TMEM101: variants seen among roughly 807,000 people sequenced by gnomAD.
TMEM101 encodes transmembrane protein 101.
In TMEM101, 14 loss-of-function variants were observed where a neutral mutation model predicts 26.0. The ratio of observed to expected loss-of-function variants is 0.54; its 90% confidence interval spans 0.36 to 0.84. The LOEUF (loss-of-function observed/expected upper bound fraction) is 0.84, where lower values mean the gene tolerates loss of function less well. Ranked by LOEUF, TMEM101 falls within the 40% of genes least tolerant of loss-of-function variation. The pLI is 0.01. For missense variants in TMEM101, 292 were observed against 345.1 expected (o/e 0.85, Z 1.22); for synonymous variants, 152 against 145.1 (o/e 1.05, Z -0.34).
At chr17:44,019,292 CGA>C (rs2049263160), upstream of TMEM101, 2 of 416,698 alleles carry the variant, frequency 4.8e-6, no homozygotes, top group Admixed American at 2.7e-5. Context: ...AGCCTGGGCT[CGA>C]GAGTCGGACA....
rs148704983 is a variant in TMEM101 at position 44,014,028 on chromosome 17, G to A, written c.318+329C>T. Among the ~76,000 whole-genome samples, 72 of 152,302 alleles carry A rather than the reference G, an allele frequency of 4.7e-4. 1 individual carries two copies. Among genetic ancestry groups the A allele is most frequent in the African/African-American group, 1.7e-3 (71 of 41,558 alleles). ...CTCTCCAAGGTCCTTTGTACCCCAT[G>A]AGTCTGAGATTACTAAACTAACAGT... On this transcript the variant is annotated intron_variant, in intron 2 of 3. Transcript: ENST00000206380.
chr17:44,016,936 C>T (rs1217460233), upstream of TMEM101, among the ~76,000 whole-genome samples: 4 of 151,788 alleles, frequency 2.6e-5, no homozygotes, highest in African/African-American at 9.7e-5. Context: ...AGTTCAAGAC[C>T]AGCCTGGCCA....
Position 44,014,502 on chromosome 17 carries a change from T to C in TMEM101, c.173A>G (p.Asp58Gly). Residue 58 changes from aspartate to glycine, a missense_variant, in exon 2 of 4, where the codon GAC becomes GGC. Coordinates refer to ENST00000206380, the MANE Select transcript of TMEM101 (RefSeq NM_032376.4). ...PDIPVPYLYF[D>G]MGAAVLCASF... ...AGCGCACAGCACGGCTGCCCCCATG[T>C]CGAAATACAGGTAAGGCACTGGGAT... is the stretch of plus-strand genomic sequence containing the variant. 2 of 1,571,394 alleles carry C rather than the reference T, an allele frequency of 1.3e-6. No homozygotes were observed. Among genetic ancestry groups the C allele is most frequent in the Non-Finnish European group, 1.7e-6 (2 of 1,158,316 alleles).
intron 1 of TMEM101, among the ~76,000 whole-genome samples, chr17:44,021,982 C>A (rs544952970): frequency 6.6e-6 from 1 of 152,276 alleles, no homozygotes; most frequent in Admixed American, 6.5e-5. Context: ...CCATAGGGAC[C>A]ACAGATCTAG....
In TMEM101 at chr17:44,013,079, C is replaced by T. The variant is rs759192533; in HGVS notation, c.395G>A (p.Arg132His). 4.3e-6 allele frequency: 7 copies of T among 1,610,102 alleles called. No individual in the cohort carries two copies. Among genetic ancestry groups the T allele is most frequent in the East Asian group, 4.5e-5 (2 of 44,824 alleles). ...VLASGAGELYRRKPRSRSLQS... is the reference protein window; with the variant it reads ...VLASGAGELYHRKPRSRSLQS... ...CAGGGAGCGGCTGCGAGGTTTCCGG[C>T]GGTACAGCTCCCCAGCACCGCTGGC... Residue 132 changes from arginine to histidine, a missense_variant, in exon 3 of 4, where the codon CGC (arginine) becomes CAC (histidine). Physicochemically the swap from Arg to His is conservative, Grantham distance 29. Coordinates refer to ENST00000206380, the MANE Select transcript of TMEM101 (RefSeq NM_032376.4).
intron 1 of TMEM101, 42 bp from the exon 2 acceptor site, chr17:44,014,579 C>A: frequency 6.4e-7 from 1 of 1,558,276 alleles, no homozygotes; most frequent in Non-Finnish European, 8.7e-7. Flanking sequence ...CAGAATGAAG[C>A]GGTGGGGGAA....
At position 44,014,513 on chromosome 17, in the gene TMEM101, G is replaced by A; in HGVS notation, c.162C>T (p.Tyr54=). ...CGGCTGCCCCCATGTCGAAATACAGGTAAGGCACTGGGATGTCGGGCTTCC... is the reference window on the plus strand; with the variant it reads ...CGGCTGCCCCCATGTCGAAATACAGATAAGGCACTGGGATGTCGGGCTTCC... ...ARRKPDIPVP[Y]LYFDMGAAVL... Residue 54 remains tyrosine (Y), a synonymous_variant, in exon 2 of 4, where the codon TAC becomes TAT. Transcript: ENST00000206380. 6.4e-7 allele frequency: 1 copy of A among 1,573,328 alleles called. No individual in the cohort carries two copies. The highest frequency in any genetic ancestry group is 1.7e-4 in the Middle Eastern group (1 of 5,996).
At chr17:44,014,308 G>T in intron 2 of TMEM101, 49 bp downstream of exon 2, 3 of 1,526,946 alleles carry the variant, frequency 2.0e-6, no homozygotes, top group African/African-American at 1.4e-5. Context: ...ATTGGCCTCT[G>T]ATTCCCCGTC....
rs1312544642 is a variant in TMEM101, at chr17:44,011,915, C to T, written c.*13G>A. Reference sequence around the variant, plus strand: ...TGGCTCCCTGTGCCCATCTCAGCCTCTTGCCATAAAACTCAGCCATCAGTG... The same window carrying T: ...TGGCTCCCTGTGCCCATCTCAGCCTTTTGCCATAAAACTCAGCCATCAGTG... On this transcript the variant is annotated 3_prime_UTR_variant, in exon 4 of 4. Transcript: ENST00000206380. The T allele has an allele frequency of 1.3e-6, 2 of 1,594,344 alleles. No homozygotes were observed. Among genetic ancestry groups the T allele is most frequent in the East Asian group, 2.2e-5 (1 of 44,622 alleles).
chr17:44,014,409 C>A lies in TMEM101; in HGVS notation c.266G>T (p.Ser89Ile). The A allele has an allele frequency of 6.4e-7, 1 of 1,556,082 alleles. No homozygotes were observed. The change falls in exon 2 of 4, where the codon AGC (serine) becomes ATC (isoleucine). Residue 89 changes from serine (S) to isoleucine (I), a missense_variant. Ser to Ile is a moderately radical substitution (Grantham distance 142). Around this residue, in one of 2 missense-constraint regions of TMEM101, gnomAD observed 143 missense variants for 133.2 expected, o/e 1.07. Transcript: ENST00000206380. The stretch of plus-strand genomic sequence containing the variant: ...GCCCCCGATGTAGGCGGCGTAGGTG[C>A]TAATGGCCAATTGGAGTGCGGCCCC... ...ALGAALQLAI[S>I]TYAAYIGGYV...
upstream of TMEM101, among the ~76,000 whole-genome samples, chr17:44,015,385 C>T (rs202179659): frequency 7.0e-4 from 105 of 150,496 alleles, no homozygotes; most frequent in East Asian, 3.7e-3. Context: ...CTTTTTTTTT[C>T]TTTTTTTTTT....
Position 44,014,924 on chromosome 17 carries a change from C to T in TMEM101, c.29G>A (p.Trp10Ter). 2.5e-6 allele frequency: 4 copies of T among 1,613,768 alleles called. No individual in the cohort carries two copies. The highest frequency in any genetic ancestry group is 3.4e-6 in the Non-Finnish European group (4 of 1,179,798). ...CAACTGCATGATCAGCTGCAACATCCACCGTCTCGAACCTATCTTCGACGC... is the reference window on the plus strand; with the variant it reads ...CAACTGCATGATCAGCTGCAACATCTACCGTCTCGAACCTATCTTCGACGC... MASKIGSRR[W>*]MLQLIMQLGS... Residue 10 changes from tryptophan to a stop codon, truncating the protein, a stop_gained, in exon 1 of 4, where the codon TGG (tryptophan) becomes TAG (stop). Transcript: ENST00000206380. LOFTEE classifies it high-confidence loss of function.
At chr17:44,016,629 G>GT (rs1307460730), upstream of TMEM101, among the ~76,000 whole-genome samples, 1 of 152,192 alleles carries the variant, frequency 6.6e-6, no homozygotes, top group African/African-American at 2.4e-5. Flanking sequence ...TGAAAATACT[G>GT]TAAGTTGAAA....
Position 44,014,341 on chromosome 17 carries a change from G to A in TMEM101, c.318+16C>T. 3 of 1,543,784 alleles carry A rather than the reference G, an allele frequency of 1.9e-6. No homozygotes were observed. The highest frequency in any genetic ancestry group is 1.2e-5 in the South Asian group (1 of 83,976). On this transcript the variant is annotated intron_variant, in intron 2 of 3. Transcript: ENST00000206380. ...GTCACCCAGAGGGAAGACCCTTTTGGGGCCGAGGCGCTCACCTTCAGCCAG... is the reference window on the plus strand; with the variant it reads ...GTCACCCAGAGGGAAGACCCTTTTGAGGCCGAGGCGCTCACCTTCAGCCAG...
Position 44,011,875 on chromosome 17 carries a change from C to A in TMEM101, c.*53G>T. On this transcript the variant is annotated 3_prime_UTR_variant, in exon 4 of 4. Coordinates refer to ENST00000206380, the MANE Select transcript of TMEM101 (RefSeq NM_032376.4). ...GCAGCTGGGCCAGCAAGGAGGAAGG[C>A]AGGGTGACCCTCAGTGGCTCCCTGT... 1 of 1,515,832 alleles carries A rather than the reference C, an allele frequency of 6.6e-7. No individual in the cohort carries two copies. The highest frequency in any genetic ancestry group is 9.0e-7 in the Non-Finnish European group (1 of 1,116,304). The allele number at this position is 1,515,832 out of a possible 1,614,324, so 93.9% of individuals were successfully genotyped here. A position where few individuals can be genotyped will look rare whatever the true frequency, so the allele number is the denominator to read the frequency against.
intron 3 of TMEM101, 102 bp downstream of exon 3, chr17:44,012,907 C>T: frequency 1.5e-6 from 2 of 1,328,336 alleles, no homozygotes; most frequent in Non-Finnish European, 1.0e-6. Flanking sequence ...AGGAACTGCA[C>T]TCAGGGCCTC....
chr17:44,022,633 G>C (rs555580398), intron 1 of TMEM101, among the ~76,000 whole-genome samples: 102 of 152,248 alleles, frequency 6.7e-4, no homozygotes, highest in African/African-American at 2.2e-3. Context: ...AGCACTTCAC[G>C]CACAAAGGTT....
upstream of TMEM101, among the ~76,000 whole-genome samples, chr17:44,015,765 C>T (rs1294133721): frequency 1.3e-5 from 2 of 152,088 alleles, no homozygotes; most frequent in Non-Finnish European, 1.5e-5. Context: ...ATACACATAA[C>T]GCACCAGAGG....
intron 2 of TMEM101, among the ~76,000 whole-genome samples, chr17:44,020,574 T>A (rs2049276069): frequency 6.6e-6 from 1 of 151,964 alleles, no homozygotes; most frequent in Non-Finnish European, 1.5e-5. Flanking sequence ...TACAAAAAAT[T>A]AGCCAGGCGT....
Sources: allele counts gnomAD v4.1 joint callset (sites outside exome capture counted in the v4.1 genomes callset), GRCh38; gene constraint gnomAD v4.1.1; regional missense constraint gnomAD v4.1.1; transcripts MANE v1.5; gene names NCBI Gene and HGNC (gene_info 2026-07-23, HGNC 2026-07-21).